Variants in PRX observed in about 807,000 individuals in gnomAD.
The protein encoded by PRX is periaxin.
A neutral mutation model predicts 29.6 loss-of-function variants in PRX; 24 were observed. That is an observed-to-expected ratio of 0.81 (90% CI 0.59 to 1.14). The LOEUF (loss-of-function observed/expected upper bound fraction) is 1.14, where lower values mean the gene tolerates loss of function less well. PRX is among the 50% of genes most tolerant of loss of function. PRX has a pLI of 0.00. For synonymous variants in PRX, 772 were observed against 831.7 expected (o/e 0.93, Z 1.24); for missense variants, 1,838 against 1,926.4 (o/e 0.95, Z 0.86).
At chr19:40,407,212 T>TTGTGTGTGTGTGTGTGTGTGTGTGTGTG (rs72256185) in intron 4 of PRX, among the ~76,000 whole-genome samples, 2 of 133,844 alleles carry the variant, frequency 1.5e-5, no homozygotes, top group African/African-American at 5.7e-5. Flanking sequence ...TTATATGCCC[T>TTGTGTGTGTGTGTGTGTGTGTGTGTGTG]TGTGTGTGTG....
chr19:40,396,482 G>A lies in PRX; in HGVS notation c.1870C>T (p.Pro624Ser). 6.2e-7 allele frequency: 1 copy of A among 1,613,718 alleles called. No individual in the cohort carries two copies. Among genetic ancestry groups the A allele is most frequent in the Non-Finnish European group, 8.5e-7 (1 of 1,179,918 alleles). The change falls in exon 7 of 7, where the codon CCA (proline) becomes TCA (serine). Residue 624 changes from proline (P) to serine (S), a missense_variant. Physicochemically the swap from Pro to Ser is moderately conservative, Grantham distance 74. Coordinates refer to ENST00000324001, the MANE Select transcript of PRX (RefSeq NM_181882.3). ...PDVHLPEVQL[P>S]KVPEMKLPEM... is the part of the protein sequence containing the mutation. ...GGGAGCTTCATCTCTGGGACTTTTG[G>A]AAGCTGCACTTCTGGGAGGTGCACA...
chr19:40,394,697 G>T lies in PRX; in HGVS notation c.3655C>A (p.Pro1219Thr). The T allele has an allele frequency of 6.2e-7, 1 of 1,611,230 alleles. No individual in the cohort carries two copies. The highest frequency in any genetic ancestry group is 8.5e-7 in the Non-Finnish European group (1 of 1,179,994). Residue 1219 changes from proline to threonine, a missense_variant, in exon 7 of 7, where the codon CCC becomes ACC. By Grantham distance (38) the Pro-to-Thr change is conservative (BLOSUM62 -1). Around this residue, in one of 3 missense-constraint regions of PRX, gnomAD observed 1,143 missense variants for 1,193.0 expected, o/e 0.96. Transcript: ENST00000324001. The surrounding 1 kb of genome is among the most constrained non-coding windows in gnomAD (Gnocchi z 5.8). ...AGCCCCACGTCCAGCTCAAGCTGGG[G>T]CACTGTCACGGTGGGCATCTTAAAG... ...GVFKMPTVTV[P>T]QLELDVGLSR... is the part of the protein sequence containing the mutation.
At position 40,403,680 on chromosome 19, in the gene PRX, C is replaced by A. The variant is rs546128096; in HGVS notation, c.184+26G>T. ...CTAACCCCGCCCCCGCAGTTCGACC[C>A]CGCCCCACACCCCGGGCCCGCCCAC... On this transcript the variant is annotated intron_variant, in intron 5 of 6. Transcript: ENST00000324001. 11 of 1,534,278 alleles carry A rather than the reference C, an allele frequency of 7.2e-6. No individual in the cohort carries two copies. The African/African-American group carries it at 1.4e-4, about 19-fold the overall frequency.
Position 40,394,127 on chromosome 19 carries a change from T to C in PRX, c.4225A>G (p.Lys1409Glu), listed in dbSNP as rs2079404684. 6.2e-7 allele frequency: 1 copy of C among 1,602,246 alleles called. No individual in the cohort carries two copies. The highest frequency in any genetic ancestry group is 1.7e-5 in the Admixed American group (1 of 59,148). Residue 1409 changes from lysine (K) to glutamate (E), a missense_variant, in exon 7 of 7, where the codon AAG becomes GAG. Lys to Glu is a moderately conservative substitution (Grantham distance 56). Around this residue, in one of 3 missense-constraint regions of PRX, gnomAD observed 1,143 missense variants for 1,193.0 expected, o/e 0.96. Coordinates refer to ENST00000324001, the MANE Select transcript of PRX (RefSeq NM_181882.3). The surrounding 1 kb of genome is among the most constrained non-coding windows in gnomAD (Gnocchi z 5.8). ...AGGGACACCCTGGGGAAGCGGAACT[T>C]GGGTGACTTCTCTCTGACGGGGGAC... ...PKSPVREKSPKFRFPRVSLSP... is the reference protein window; with the variant it reads ...PKSPVREKSPEFRFPRVSLSP...
chr19:40,394,837 C>T lies in PRX; in HGVS notation c.3515G>A (p.Ser1172Asn), dbSNP rs371790349. Residue 1172 changes from serine to asparagine, a missense_variant, in exon 7 of 7, where the codon AGT (serine) becomes AAT (asparagine). Ser to Asn is a conservative substitution (Grantham distance 46). This residue lies in a region of PRX where 1,143 missense variants were observed against 1,193.0 expected (regional missense o/e 0.96). Coordinates refer to ENST00000324001, the MANE Select transcript of PRX (RefSeq NM_181882.3). This position sits in a 1 kb window ranked among gnomAD's most constrained non-coding sequence, Gnocchi z 5.8. ...EAGTPGQQAQ[S>N]TVPSAEGTAG... is the part of the protein sequence containing the mutation. ...TGTGCCCTCTGCTGAAGGGACTGTA[C>T]TCTGAGCCTGCTGCCCTGGGGTACC... 6 of 1,612,974 alleles carry T rather than the reference C, an allele frequency of 3.7e-6. No individual in the cohort carries two copies. The highest frequency in any genetic ancestry group is 1.3e-5 in the African/African-American group (1 of 74,934).
Position 40,393,809 on chromosome 19 carries a change from G to A in PRX, c.*157C>T. 9.0e-7 allele frequency: 1 copy of A among 1,106,216 alleles called. No homozygotes were observed. Among genetic ancestry groups the A allele is most frequent in the Non-Finnish European group, 1.3e-6 (1 of 764,146 alleles). 68.5% of individuals were successfully genotyped at this position (1,106,216 alleles called of 1,614,324 possible). A position where few individuals can be genotyped will look rare whatever the true frequency, so the allele number is the denominator to read the frequency against. On this transcript the variant is annotated 3_prime_UTR_variant, in exon 7 of 7. Coordinates refer to ENST00000324001, the MANE Select transcript of PRX (RefSeq NM_181882.3). ...TATTCACATGGCTTGGTGGGGTACAGGCACTCCTGCCAGAGAGACAGGAGC... is the reference window on the plus strand; with the variant it reads ...TATTCACATGGCTTGGTGGGGTACAAGCACTCCTGCCAGAGAGACAGGAGC...
intron 4 of PRX, 33 bp from the exon 5 acceptor site, chr19:40,403,895 T>C: frequency 6.3e-7 from 1 of 1,597,790 alleles, no homozygotes; most frequent in Non-Finnish European, 8.5e-7. Context: ...GCGTTGGGGC[T>C]CTAGGGCCGG....
chr19:40,407,627 T>C (rs550230890), intron 4 of PRX: 1 of 579,436 alleles, frequency 1.7e-6, no homozygotes, highest in African/African-American at 1.9e-5. Flanking sequence ...ATGAAGGGTT[T>C]CTGCCGGATT....
At position 40,394,304 on chromosome 19, in the gene PRX, G is replaced by A. The variant is rs771104050; in HGVS notation, c.4048C>T (p.Pro1350Ser). The A allele has an allele frequency of 2.0e-5, 32 of 1,611,056 alleles. No individual in the cohort carries two copies. Among genetic ancestry groups the A allele is most frequent in the Non-Finnish European group, 2.7e-5 (32 of 1,178,572 alleles). Reference protein sequence around the residue: ...QSEMVTGEGSPSPEEEEEEEE... With the variant: ...QSEMVTGEGSSSPEEEEEEEE... ...TCCTCCTCCTCCTCCTCGGGGCTGG[G>A]GGACCCTTCCCCAGTGACCATCTCA... Residue 1350 changes from proline (P) to serine (S), a missense_variant, in exon 7 of 7, where the codon CCC becomes TCC. By Grantham distance (74) the Pro-to-Ser change is moderately conservative (BLOSUM62 -1). Around this residue, in one of 3 missense-constraint regions of PRX, gnomAD observed 1,143 missense variants for 1,193.0 expected, o/e 0.96. Transcript: ENST00000324001. The surrounding 1 kb of genome is among the most constrained non-coding windows in gnomAD (Gnocchi z 5.8).
rs769263827 is a variant in PRX, at chr19:40,395,399, G to C, written c.2953C>G (p.Leu985Val). Residue 985 changes from leucine (L) to valine (V), a missense_variant, in exon 7 of 7, where the codon CTG (leucine) becomes GTG (valine). Leu to Val is a conservative substitution (Grantham distance 32, BLOSUM62 1). Around this residue, in one of 3 missense-constraint regions of PRX, gnomAD observed 1,143 missense variants for 1,193.0 expected, o/e 0.96. Transcript: ENST00000324001. ...ATGGACAGATCGAGGGCAGGCAGCA[G>C]GCCTGCCTCCCCAGCCCCTTTGGCC... is the stretch of plus-strand genomic sequence containing the variant. ...AEAKGAGEAGLLPALDLSIPQ... is the reference protein window; with the variant it reads ...AEAKGAGEAGVLPALDLSIPQ... 3.7e-6 allele frequency: 6 copies of C among 1,613,724 alleles called. No individual in the cohort carries two copies. In the Admixed American group the frequency reaches 8.3e-5, roughly 22 times the overall value.
rs756785716 is a variant in PRX, at chr19:40,396,446, G to A, written c.1906C>T (p.Leu636Phe). ...ACCTTCGGGAGTTTCACCTCAGGGAGTTTCATCTCAGGGAGCTTCATCTCT... is the reference window on the plus strand; with the variant it reads ...ACCTTCGGGAGTTTCACCTCAGGGAATTTCATCTCAGGGAGCTTCATCTCT... ...VPEMKLPEMK[L>F]PEVKLPKVPE... The change falls in exon 7 of 7, where the codon CTC (leucine) becomes TTC (phenylalanine). Residue 636 changes from leucine to phenylalanine, a missense_variant. Around this residue, in one of 3 missense-constraint regions of PRX, gnomAD observed 1,143 missense variants for 1,193.0 expected, o/e 0.96. Transcript: ENST00000324001. 2.6e-5 allele frequency: 42 copies of A among 1,609,232 alleles called. No homozygotes were observed. Among genetic ancestry groups the A allele is most frequent in the Non-Finnish European group, 3.4e-5 (40 of 1,178,718 alleles).
chr19:40,406,957 A>G (rs1031229235), intron 4 of PRX, among the ~76,000 whole-genome samples: 1 of 151,834 alleles, frequency 6.6e-6, no homozygotes, highest in African/African-American at 2.4e-5. Flanking sequence ...TATTTTTAGC[A>G]GAGATGGGGT....
chr19:40,395,298 C>A lies in PRX; in HGVS notation c.3054G>T (p.Gly1018=). ...CAAACTTGGGGAGAGCAAACCTGGG[C>A]CCCTTGAACTTGAGGTCGGCCCCTG... ...EVAGADLKFK[G]PRFALPKFGV... Residue 1018 remains glycine, a synonymous_variant, in exon 7 of 7, where the codon GGG becomes GGT. Transcript: ENST00000324001. 6.2e-7 allele frequency: 1 copy of A among 1,613,638 alleles called. No individual in the cohort carries two copies. Among genetic ancestry groups the A allele is most frequent in the South Asian group, 1.1e-5 (1 of 91,088 alleles).
At chr19:40,403,681 C>CCGG in intron 5 of PRX, 25 bp downstream of exon 5, 1 of 1,534,664 alleles carries the variant, frequency 6.5e-7, no homozygotes, top group Non-Finnish European at 8.8e-7. Context: ...AGTTCGACCC[C>CCGG]GCCCCACACC....
At chr19:40,408,084 G>C in intron 3 of PRX, 53 bp from the exon 4 acceptor site, 1 of 1,003,434 alleles carries the variant, frequency 1.0e-6, no homozygotes, top group Admixed American at 2.0e-5. Context: ...GAGAGGTGGA[G>C]GCCATGCTTA....
intron 4 of PRX, among the ~76,000 whole-genome samples, chr19:40,406,483 A>T (rs2079531063): frequency 6.6e-6 from 1 of 152,130 alleles, no homozygotes; most frequent in Admixed American, 6.5e-5. Context: ...GTAGCAAGTT[A>T]AGCGGCTGGG....
chr19:40,394,252 G>C lies in PRX; in HGVS notation c.4100C>G (p.Ala1367Gly). ...CCGGACCCGGCCCCGGCGACCCGAG[G>C]CCCCTTCCCCACTGCCCTCTTCCTC... ...EEEEEGSGEG[A>G]SGRRGRVRVR... The change falls in exon 7 of 7, where the codon GCC (alanine) becomes GGC (glycine). Residue 1367 changes from alanine to glycine, a missense_variant. Physicochemically the swap from Ala to Gly is moderately conservative, Grantham distance 60. Around this residue, in one of 3 missense-constraint regions of PRX, gnomAD observed 1,143 missense variants for 1,193.0 expected, o/e 0.96. Transcript: ENST00000324001. This position sits in a 1 kb window ranked among gnomAD's most constrained non-coding sequence, Gnocchi z 5.8. 2 of 1,608,408 alleles carry C rather than the reference G, an allele frequency of 1.2e-6. No individual in the cohort carries two copies. The highest frequency in any genetic ancestry group is 1.7e-6 in the Non-Finnish European group (2 of 1,175,766).
In PRX at chr19:40,397,590, G is replaced by C; in HGVS notation, c.762C>G (p.Pro254=). The change falls in exon 7 of 7, where the codon CCC becomes CCG. Residue 254 remains proline, a synonymous_variant. Transcript: ENST00000324001. The part of the protein sequence containing the change: ...AEVGVPQVSA[P]KAAPSAEAAG... ...CTGCCTCTGCTGAGGGGGCAGCCTT[G>C]GGGGCTGAGACCTGGGGGACACCCA... 1 of 1,542,246 alleles carries C rather than the reference G, an allele frequency of 6.5e-7. No homozygotes were observed.
rs1265997424 is a variant in PRX, at chr19:40,405,661, C to T, written c.28-1799G>A. Among the ~76,000 whole-genome samples the T allele has an allele frequency of 7.8e-5, 8 of 101,952 alleles. No individual in the cohort carries two copies. In the East Asian group the frequency reaches 2.5e-3, roughly 32 times the overall value. The allele number at this position is 101,952 out of a possible 152,430, so 66.9% of individuals were successfully genotyped here. On this transcript the variant is annotated intron_variant, in intron 4 of 6. Coordinates refer to ENST00000324001, the MANE Select transcript of PRX (RefSeq NM_181882.3). ...TTTTTTTTTTTTTTTTTTTTTGAGG[C>T]GGAGTCTCGCTCTGTCACCCAGGCT... is the stretch of plus-strand genomic sequence containing the variant.
Sources: gnomAD v4.1 joint callset for allele counts (sites outside exome capture counted in the v4.1 genomes callset) on GRCh38, gnomAD v4.1.1 for gene constraint, gnomAD v4.1.1 regional missense constraint, Gnocchi (gnomAD v3.1) non-coding constraint, MANE v1.5 for transcripts, NCBI Gene and HGNC (gene_info 2026-07-23, HGNC 2026-07-21) for gene names.